Variants in SPAG16 observed in about 807,000 individuals in gnomAD.
SPAG16 encodes sperm associated antigen 16, also known as sperm-associated antigen 16 protein.
A neutral mutation model predicts 80.4 loss-of-function variants in SPAG16; 86 were observed. The observed-to-expected ratio is 1.07, with a 90% CI of 0.90 to 1.28. The LOEUF is 1.28. Ranked by LOEUF, SPAG16 falls within the 50% of genes most tolerant of loss-of-function variation. The pLI is 0.00. For missense variants in SPAG16, 870 were observed against 765.3 expected (o/e 1.14, Z -1.61); for synonymous variants, 294 against 265.9 (o/e 1.11, Z -1.03).
At chr2:214,184,104 C>T (rs1029333522) in intron 15 of SPAG16, among the ~76,000 whole-genome samples, 1 of 151,986 alleles carries the variant, frequency 6.6e-6, no homozygotes, top group Non-Finnish European at 1.5e-5. Context: ...GCCAGTTTGC[C>T]AACCATATAT....
At chr2:213,847,756 T>G (rs2074703736) in intron 10 of SPAG16, among the ~76,000 whole-genome samples, 1 of 152,098 alleles carries the variant, frequency 6.6e-6, no homozygotes, top group Non-Finnish European at 1.5e-5. Flanking sequence ...ACAAGCAGAT[T>G]AAGGAGAGAG....
chr2:214,274,363 A>T, intron 15 of SPAG16, among the ~76,000 whole-genome samples: 1 of 152,114 alleles, frequency 6.6e-6, no homozygotes, highest in Non-Finnish European at 1.5e-5. Context: ...GGGCATCCCT[A>T]TCTTGTGCCA....
chr2:213,740,224 A>G (rs2067482572), intron 10 of SPAG16, among the ~76,000 whole-genome samples: 1 of 152,188 alleles, frequency 6.6e-6, no homozygotes, highest in Non-Finnish European at 1.5e-5. Context: ...TGTCTCCTAA[A>G]TTAGAGCTAA....
At chr2:214,104,783 C>T (rs1287862039) in intron 13 of SPAG16, among the ~76,000 whole-genome samples, 3 of 151,976 alleles carry the variant, frequency 2.0e-5, no homozygotes, top group South Asian at 2.1e-4. Flanking sequence ...AGGGGACTCA[C>T]GGAGTAAGCT....
chr2:213,894,212 T>C (rs1025201127), intron 11 of SPAG16, among the ~76,000 whole-genome samples: 58 of 152,114 alleles, frequency 3.8e-4, no homozygotes, highest in Non-Finnish European at 1.0e-4. Flanking sequence ...TAGAAAACTT[T>C]TGTCAAGAAC....
chr2:213,659,115 T>C (rs888340559), intron 10 of SPAG16, among the ~76,000 whole-genome samples: 3 of 152,188 alleles, frequency 2.0e-5, no homozygotes, highest in Non-Finnish European at 4.4e-5. Context: ...TTGTGCATTA[T>C]TGTGTATTCT....
chr2:214,384,583 G>GAAT (rs1700643427), intron 15 of SPAG16, among the ~76,000 whole-genome samples: 2 of 152,278 alleles, frequency 1.3e-5, no homozygotes, highest in South Asian at 4.1e-4. Context: ...TAATGTATAA[G>GAAT]AATTTCAAGC....
chr2:214,202,509 A>T (rs1037073539), intron 15 of SPAG16, among the ~76,000 whole-genome samples: 36 of 152,204 alleles, frequency 2.4e-4, no homozygotes, highest in African/African-American at 8.0e-4. Flanking sequence ...AATGAAAATT[A>T]TAGAGAAGGG....
chr2:213,378,852 A>G (rs2067023168), intron 9 of SPAG16, among the ~76,000 whole-genome samples: 1 of 152,182 alleles, frequency 6.6e-6, no homozygotes, highest in African/African-American at 2.4e-5. Flanking sequence ...TAATTTCCCA[A>G]TGACCTTAAT....
intron 6 of SPAG16, among the ~76,000 whole-genome samples, chr2:213,346,410 A>T (rs951794061): frequency 4.6e-5 from 7 of 152,168 alleles, no homozygotes; most frequent in African/African-American, 1.4e-4. Context: ...CAGAACTTCC[A>T]ACACCGTGCT....
At chr2:213,460,880 C>G (rs1420437918) in intron 9 of SPAG16, among the ~76,000 whole-genome samples, 1 of 152,102 alleles carries the variant, frequency 6.6e-6, no homozygotes, top group Admixed American at 6.6e-5. Flanking sequence ...ATAGTACATA[C>G]CACCTAGTGA....
chr2:213,616,092 G>A (rs1216391283), intron 10 of SPAG16, among the ~76,000 whole-genome samples: 3 of 152,194 alleles, frequency 2.0e-5, no homozygotes, highest in Admixed American at 1.3e-4. Flanking sequence ...CCATTTTACC[G>A]ATTAGGAAAC....
intron 10 of SPAG16, among the ~76,000 whole-genome samples, chr2:213,623,102 A>G (rs2061842780): frequency 6.6e-6 from 1 of 152,138 alleles, no homozygotes; most frequent in Non-Finnish European, 1.5e-5. Flanking sequence ...AAATCTTTGT[A>G]TCCTCTGATT....
At position 214,108,481 on chromosome 2, in the gene SPAG16, C is replaced by CACACA. The variant is rs879629337; in HGVS notation, c.1593+220_1593+221insACACA. 5.9e-3 allele frequency among the ~76,000 whole-genome samples: 443 copies of CACACA among 74,826 alleles called. 1 individual carries two copies. The highest frequency in any genetic ancestry group is 0.012 in the Middle Eastern group (2 of 164). 49.1% of individuals were successfully genotyped at this position (74,826 alleles called of 152,430 possible). ...CACACACACACACACACACACACACCCCCACACACACCCCAAGTCGTAGCA... is the reference window on the plus strand; with the variant it reads ...CACACACACACACACACACACACACCACACACCCACACACACCCCAAGTCGTAGCA... On this transcript the variant is annotated intron_variant, in intron 14 of 15. Transcript: ENST00000331683.
At chr2:213,781,825 T>A (rs900467572) in intron 10 of SPAG16, among the ~76,000 whole-genome samples, 1 of 152,158 alleles carries the variant, frequency 6.6e-6, no homozygotes, top group Non-Finnish European at 1.5e-5. Flanking sequence ...TTTTGGAGCA[T>A]GAAAGTCAAA....
chr2:213,466,087 G>A (rs1454151125), intron 9 of SPAG16, among the ~76,000 whole-genome samples: 1 of 152,266 alleles, frequency 6.6e-6, no homozygotes, highest in East Asian at 1.9e-4. Flanking sequence ...CTCCTGTGCT[G>A]GATGCTTCCT....
Position 214,409,216 on chromosome 2 carries a change from TAA to T in SPAG16, c.1721-921_1721-920del, listed in dbSNP as rs1702165706. 3.9e-5 allele frequency among the ~76,000 whole-genome samples: 6 copies of T among 151,998 alleles called. No individual in the cohort carries two copies. The South Asian group carries it at 1.2e-3, about 32-fold the overall frequency. On this transcript the variant is annotated intron_variant, in intron 15 of 15. Transcript: ENST00000331683. ...GCACTAAATATAGTATCTATCACAT[TAA>T]AAGAGTTTAATAAATTTTAAATGTT...
At chr2:213,952,040 A>G (rs2079810338) in intron 12 of SPAG16, among the ~76,000 whole-genome samples, 2 of 152,158 alleles carry the variant, frequency 1.3e-5, no homozygotes, top group Non-Finnish European at 2.9e-5. Flanking sequence ...TTCTAAGAAT[A>G]TTACTTATGG....
chr2:214,049,971 A>G (rs1348904412), intron 13 of SPAG16, among the ~76,000 whole-genome samples: 2 of 152,244 alleles, frequency 1.3e-5, no homozygotes, highest in Non-Finnish European at 2.9e-5. Context: ...AAGAATGTGT[A>G]ACAGATTTTA....
Sources: gnomAD v4.1 joint callset for allele counts (sites outside exome capture counted in the v4.1 genomes callset) on GRCh38, gnomAD v4.1.1 for gene constraint, MANE v1.5 for transcripts, NCBI Gene and HGNC (gene_info 2026-07-23, HGNC 2026-07-21) for gene names.